Variants in SOX5 observed in about 807,000 individuals in gnomAD.
SOX5 encodes the protein SRY-box transcription factor 5.
SOX5 carries 9 observed loss-of-function variants against 92.0 expected under a neutral mutation model. That is an observed-to-expected ratio of 0.10 (90% confidence interval 0.06 to 0.17). The LOEUF (loss-of-function observed/expected upper bound fraction) is 0.17. Ranked by LOEUF, SOX5 falls within the 10% of genes least tolerant of loss-of-function variation. The pLI, the probability that SOX5 is intolerant of heterozygous loss-of-function variation, is 1.00. For synonymous variants in SOX5, 344 were observed against 336.3 expected (o/e 1.02, Z -0.25); for missense variants, 642 against 944.5 (o/e 0.68, Z 4.20).
At chr12:24,434,662 G>A (rs965035536) in intron 1 of SOX5, among the ~76,000 whole-genome samples, 3 of 152,082 alleles carry the variant, frequency 2.0e-5, no homozygotes, top group African/African-American at 7.2e-5. Flanking sequence ...ATGATAGTGA[G>A]CTGTCCTGAG....
chr12:24,458,019 A>T (rs1032989), intron 1 of SOX5, among the ~76,000 whole-genome samples: 151,467 of 152,308 alleles, frequency 0.99, 75,321 homozygotes, highest in East Asian at 1. Context: ...TCAAGTAAAT[A>T]TGAATTGCAG....
chr12:24,517,652 C>T (rs1029841722), intron 1 of SOX5, among the ~76,000 whole-genome samples: 1 of 151,474 alleles, frequency 6.6e-6, no homozygotes, highest in Non-Finnish European at 1.5e-5. Context: ...AACATGTTAT[C>T]TAATAAAAAC....
intron 6 of SOX5, among the ~76,000 whole-genome samples, chr12:23,721,567 C>T (rs2092816774): frequency 6.6e-6 from 1 of 152,106 alleles, no homozygotes. Flanking sequence ...AGCTCCTTAT[C>T]TTAACTGAGG....
intron 2 of SOX5, among the ~76,000 whole-genome samples, chr12:24,289,549 G>A (rs1277247874): frequency 7.1e-6 from 1 of 141,576 alleles, no homozygotes; most frequent in Non-Finnish European, 1.5e-5. Flanking sequence ...CGCCTCCCGG[G>A]TTCACGCCAT....
At chr12:23,647,177 C>G (rs2080966737) in intron 7 of SOX5, among the ~76,000 whole-genome samples, 1 of 152,182 alleles carries the variant, frequency 6.6e-6, no homozygotes, top group Admixed American at 6.5e-5. Context: ...CAACATCCAT[C>G]TCCTTGTACA....
chr12:23,776,645 G>A (rs745356229), intron 3 of SOX5, among the ~76,000 whole-genome samples: 1 of 152,134 alleles, frequency 6.6e-6, no homozygotes, highest in East Asian at 1.9e-4. Context: ...GATGGTGGAA[G>A]GGAGGATAAT....
chr12:23,543,857 C>T (rs764980224), intron 12 of SOX5, among the ~76,000 whole-genome samples: 21 of 152,138 alleles, frequency 1.4e-4, no homozygotes, highest in Non-Finnish European at 2.5e-4. Flanking sequence ...CTTTCTCTCT[C>T]CGAGGTTACA....
chr12:23,572,423 T>C (rs1047483356), intron 10 of SOX5, among the ~76,000 whole-genome samples: 3 of 149,796 alleles, frequency 2.0e-5, no homozygotes, highest in Non-Finnish European at 4.4e-5. Flanking sequence ...TTGGAAATTA[T>C]GAGGGATGTG....
chr12:24,316,912 A>T (rs989791883), intron 2 of SOX5, among the ~76,000 whole-genome samples: 1 of 152,184 alleles, frequency 6.6e-6, no homozygotes, highest in Non-Finnish European at 1.5e-5. Flanking sequence ...ATTGAAAAAA[A>T]CTGGAAAGCT....
chr12:24,077,214 C>T (rs930324811), intron 4 of SOX5, among the ~76,000 whole-genome samples: 2 of 152,152 alleles, frequency 1.3e-5, no homozygotes, highest in Non-Finnish European at 2.9e-5. Context: ...CATGCTACCA[C>T]AGTCGACTTT....
At chr12:23,779,814 T>TATATATATATATATATATACAC (rs777013504) in intron 3 of SOX5, among the ~76,000 whole-genome samples, 18 of 110,784 alleles carry the variant, frequency 1.6e-4, no homozygotes, top group African/African-American at 5.2e-4. Context: ...TATATATATA[T>TATATATATATATATATATACAC]ACACACACAC....
intron 6 of SOX5, among the ~76,000 whole-genome samples, chr12:23,720,500 A>G (rs891560426): frequency 6.6e-6 from 1 of 152,160 alleles, no homozygotes; most frequent in Non-Finnish European, 1.5e-5. Context: ...TTTATACTAG[A>G]ACATTATTTT....
intron 1 of SOX5, among the ~76,000 whole-genome samples, chr12:24,499,447 G>A (rs999271651): frequency 6.6e-6 from 1 of 152,216 alleles, no homozygotes; most frequent in East Asian, 1.9e-4. Context: ...GCAAGGAAAG[G>A]GGATAATATG....
chr12:24,173,689 A>T (rs1035056240), intron 4 of SOX5, among the ~76,000 whole-genome samples: 4 of 152,156 alleles, frequency 2.6e-5, no homozygotes, highest in African/African-American at 9.7e-5. Flanking sequence ...GGGGGAAGTG[A>T]TATTTTAATA....
Position 23,826,477 on chromosome 12 carries a change from G to A in SOX5, c.481+19506C>T, listed in dbSNP as rs376825600. On this transcript the variant is annotated intron_variant, in intron 3 of 14. Coordinates refer to ENST00000451604, the MANE Select transcript of SOX5 (RefSeq NM_006940.6). ...GAGAAGGTAAAACATGAGCAAACAC[G>A]TCTAATTCCTATCCCATTTACTTGG... is the stretch of plus-strand genomic sequence containing the variant. Among the ~76,000 whole-genome samples, 10 of 152,090 alleles carry A rather than the reference G, an allele frequency of 6.6e-5. No individual in the cohort carries two copies. In the South Asian group the frequency reaches 1.2e-3, roughly 19 times the overall value.
chr12:23,983,296 G>C (rs1235468856), intron 4 of SOX5, among the ~76,000 whole-genome samples: 1 of 152,078 alleles, frequency 6.6e-6, no homozygotes, highest in Admixed American at 6.6e-5. Context: ...TAACCTTCCT[G>C]AGTGATTCTC....
At chr12:23,699,437 T>C (rs948686001) in intron 6 of SOX5, among the ~76,000 whole-genome samples, 2 of 152,228 alleles carry the variant, frequency 1.3e-5, no homozygotes, top group African/African-American at 4.8e-5. Context: ...ATTGACTGAA[T>C]TTGTGATTGC....
intron 1 of SOX5, among the ~76,000 whole-genome samples, chr12:24,521,225 T>C (rs1208706122): frequency 1.3e-5 from 2 of 152,148 alleles, no homozygotes; most frequent in Admixed American, 6.5e-5. Context: ...CGGATAATTT[T>C]TGTATTTTTA....
intron 2 of SOX5, among the ~76,000 whole-genome samples, chr12:24,298,052 T>C (rs1348180261): frequency 1.3e-5 from 2 of 152,202 alleles, no homozygotes; most frequent in Non-Finnish European, 2.9e-5. Flanking sequence ...CATTATGTTC[T>C]TATTCCCCAA....
Sources: allele counts gnomAD v4.1 joint callset (sites outside exome capture counted in the v4.1 genomes callset), GRCh38; gene constraint gnomAD v4.1.1; transcripts MANE v1.5; gene names NCBI Gene and HGNC (gene_info 2026-07-23, HGNC 2026-07-21).